DDX46: variants seen among roughly 807,000 people sequenced by gnomAD.
The protein encoded by DDX46 is DEAD-box helicase 46.
DDX46 carries 30 observed loss-of-function variants against 134.9 expected under a neutral mutation model. That is an observed-to-expected ratio of 0.22 (90% CI 0.17 to 0.30). The LOEUF (loss-of-function observed/expected upper bound fraction) is 0.30, where lower values mean the gene tolerates loss of function less well. DDX46 is among the 10% of genes least tolerant of loss of function. The pLI is 1.00. For synonymous variants in DDX46, 415 were observed against 404.1 expected (o/e 1.03, Z -0.32); for missense variants, 622 against 1,248.7 (o/e 0.50, Z 7.56).
chr5:134,766,957 A>C lies in DDX46; in HGVS notation c.247A>C (p.Arg83=). Residue 83 remains arginine (R), a synonymous_variant, in exon 3 of 23, where the codon AGA becomes CGA. Coordinates refer to ENST00000452510, the MANE Select transcript of DDX46 (RefSeq NM_001300860.2). ...AGAGAGAGACAGAAGCCGAGAGCGAAGAAGATCTCGAAGTAGAGACAGGAG... is the reference window on the plus strand; with the variant it reads ...AGAGAGAGACAGAAGCCGAGAGCGACGAAGATCTCGAAGTAGAGACAGGAG... ...SRERDRSRER[R]RSRSRDRRRS... is the part of the protein sequence containing the mutation. 2.5e-6 allele frequency: 4 copies of C among 1,614,170 alleles called. No homozygotes were observed. Among genetic ancestry groups the C allele is most frequent in the Non-Finnish European group, 3.4e-6 (4 of 1,180,018 alleles).
intron 21 of DDX46, among the ~76,000 whole-genome samples, chr5:134,825,191 T>C (rs1755557385): frequency 1.3e-5 from 2 of 152,198 alleles, no homozygotes; most frequent in South Asian, 2.1e-4. Flanking sequence ...CACAAAAATA[T>C]CAACAAGCTT....
At chr5:134,774,037 C>G (rs78046074) in intron 5 of DDX46, among the ~76,000 whole-genome samples, 176 bp downstream of exon 5, 1 of 152,136 alleles carries the variant, frequency 6.6e-6, no homozygotes, top group South Asian at 2.1e-4. Flanking sequence ...CAGTGTTGTG[C>G]AGTCGTTACC....
intron 21 of DDX46, 27 bp from the exon 22 acceptor site, chr5:134,826,920 A>G (rs1755607117): frequency 6.2e-7 from 1 of 1,606,784 alleles, no homozygotes; most frequent in African/African-American, 1.3e-5. Flanking sequence ...AGTAATTTGA[A>G]TAATATGCTT....
intron 15 of DDX46, among the ~76,000 whole-genome samples, chr5:134,806,366 G>C (rs1055492584): frequency 2.0e-5 from 3 of 152,044 alleles, no homozygotes; most frequent in Non-Finnish European, 4.4e-5. Context: ...CAAAATTGGG[G>C]TTATTTTAAA....
chr5:134,825,391 C>G (rs1328848854), intron 21 of DDX46, among the ~76,000 whole-genome samples: 1 of 152,132 alleles, frequency 6.6e-6, no homozygotes, highest in African/African-American at 2.4e-5. Flanking sequence ...GTTGCTATGA[C>G]TTCATAGCCA....
At chr5:134,788,247 T>TA (rs1754399842) in intron 11 of DDX46, among the ~76,000 whole-genome samples, 1 of 151,884 alleles carries the variant, frequency 6.6e-6, no homozygotes, top group Non-Finnish European at 1.5e-5. Flanking sequence ...TTTTTTTTTT[T>TA]AAACTGCTTT....
At chr5:134,803,328 T>G (rs1465317953) in intron 15 of DDX46, among the ~76,000 whole-genome samples, 6 of 152,092 alleles carry the variant, frequency 3.9e-5, no homozygotes, top group Admixed American at 3.9e-4. Context: ...TCATCCCAAC[T>G]GCTTAGATTT....
chr5:134,786,498 C>T (rs1466785451), intron 11 of DDX46, among the ~76,000 whole-genome samples: 1 of 151,994 alleles, frequency 6.6e-6, no homozygotes, highest in Admixed American at 6.6e-5. Context: ...GTCCTGGAAC[C>T]TAGGTCTCTG....
At chr5:134,774,290 C>G (rs1753865751) in intron 5 of DDX46, among the ~76,000 whole-genome samples, 1 of 151,676 alleles carries the variant, frequency 6.6e-6, no homozygotes, top group Admixed American at 6.6e-5. Context: ...GTTGGAATTT[C>G]CTTTCTTTAT....
chr5:134,760,264 C>T (rs1004517091), intron 1 of DDX46, among the ~76,000 whole-genome samples: 2 of 152,184 alleles, frequency 1.3e-5, no homozygotes, highest in African/African-American at 4.8e-5. Context: ...CAGCCTTCTC[C>T]TTTACCTCTC....
intron 18 of DDX46, among the ~76,000 whole-genome samples, chr5:134,813,024 C>T (rs1755190753): frequency 6.6e-6 from 1 of 152,146 alleles, no homozygotes. Flanking sequence ...TCACTGCAAC[C>T]TCTGCCTCTC....
chr5:134,785,250 A>G (rs897115401), intron 10 of DDX46, among the ~76,000 whole-genome samples: 6 of 152,154 alleles, frequency 3.9e-5, no homozygotes, highest in Admixed American at 6.5e-5. Flanking sequence ...ACTGTCATTT[A>G]TCTTCTTTTA....
In DDX46 at chr5:134,828,616, GT is replaced by G; in HGVS notation, c.3052-39del. 2.7e-6 allele frequency: 3 copies of G among 1,129,522 alleles called. No homozygotes were observed. The South Asian group carries it at 6.7e-5, about 25-fold the overall frequency. The allele number at this position is 1,129,522 out of a possible 1,614,324, so 70.0% of individuals were successfully genotyped here. A position where few individuals can be genotyped will look rare whatever the true frequency, so the allele number is the denominator to read the frequency against. ...TTCGTTTTTTTTTTTTGTTTTTTTT[GT>G]TTTGCTTTCTCTGATGACATATCTT... On this transcript the variant is annotated intron_variant, in intron 22 of 22. Transcript: ENST00000452510.
intron 12 of DDX46, among the ~76,000 whole-genome samples, chr5:134,789,771 T>G (rs1480955341): frequency 6.6e-6 from 1 of 152,212 alleles, no homozygotes; most frequent in Non-Finnish European, 1.5e-5. Flanking sequence ...AGAAGGAATT[T>G]CCTATGTATG....
intron 16 of DDX46, among the ~76,000 whole-genome samples, chr5:134,809,997 GA>G (rs1350645305): frequency 5.9e-5 from 9 of 152,072 alleles, no homozygotes; most frequent in Non-Finnish European, 1.3e-4. Context: ...TGGGCAGCAG[GA>G]GCAAAACTCT....
chr5:134,800,224 A>G (rs897902682), intron 15 of DDX46, among the ~76,000 whole-genome samples: 3 of 152,314 alleles, frequency 2.0e-5, no homozygotes, highest in African/African-American at 7.2e-5. Context: ...CTGGGGTTAC[A>G]GGCGTGAGCT....
intron 6 of DDX46, 170 bp downstream of exon 6, chr5:134,777,895 G>A (rs1302937653): frequency 1.5e-6 from 1 of 667,172 alleles, no homozygotes; most frequent in African/African-American, 1.9e-5. Context: ...GTAAATTTTA[G>A]CTATAAGTGT....
chr5:134,768,834 A>G (rs1484872822), intron 3 of DDX46, among the ~76,000 whole-genome samples: 3 of 152,054 alleles, frequency 2.0e-5, no homozygotes, highest in African/African-American at 7.2e-5. Context: ...GCCGAGGTGG[A>G]TGGATCACGA....
At chr5:134,786,370 ATCCCTCC>A (rs1754334160) in intron 11 of DDX46, among the ~76,000 whole-genome samples, 1 of 152,150 alleles carries the variant, frequency 6.6e-6, no homozygotes, top group African/African-American at 2.4e-5. Context: ...TACATAGATT[ATCCCTCC>A]TCCCTCTTCC....
Sources: allele counts gnomAD v4.1 joint callset (sites outside exome capture counted in the v4.1 genomes callset), GRCh38; gene constraint gnomAD v4.1.1; transcripts MANE v1.5; gene names NCBI Gene and HGNC (gene_info 2026-07-23, HGNC 2026-07-21).